CSMD1: variants seen among roughly 807,000 people sequenced by gnomAD.
CSMD1 encodes CUB and Sushi multiple domains 1, also known as CUB and sushi domain-containing protein 1.
CSMD1 carries 213 observed loss-of-function variants against 417.5 expected under a neutral mutation model. The ratio of observed to expected loss-of-function variants is 0.51; its 90% confidence interval spans 0.46 to 0.57. The LOEUF is 0.57. Among genes scored for constraint, CSMD1 ranks in the 20% least tolerant of loss-of-function variants. The pLI is 0.00. For missense variants in CSMD1, 6,923 were observed against 4,529.7 expected (o/e 1.53, Z -15.17); for synonymous variants, 2,862 against 1,736.8 (o/e 1.65, Z -16.11).
chr8:4,313,551 T>C (rs985518206), intron 3 of CSMD1, among the ~76,000 whole-genome samples: 2 of 136,834 alleles, frequency 1.5e-5, no homozygotes, highest in South Asian at 2.4e-4. Flanking sequence ...CAGGAGGAAA[T>C]ACGTGTTATG....
chr8:4,643,750 G>C (rs1803346710), intron 1 of CSMD1, among the ~76,000 whole-genome samples: 1 of 152,150 alleles, frequency 6.6e-6, no homozygotes, highest in Admixed American at 6.5e-5. Flanking sequence ...ATCTTCTACA[G>C]TTTCAGGGGT....
At chr8:4,256,487 G>C (rs1396098226) in intron 3 of CSMD1, among the ~76,000 whole-genome samples, 1 of 152,156 alleles carries the variant, frequency 6.6e-6, no homozygotes, top group African/African-American at 2.4e-5. Flanking sequence ...GGTAAAGGGA[G>C]GTTCTCAGTG....
chr8:3,965,168 T>G (rs1375037636), intron 5 of CSMD1, among the ~76,000 whole-genome samples: 1 of 152,144 alleles, frequency 6.6e-6, no homozygotes, highest in African/African-American at 2.4e-5. Flanking sequence ...TTTTTAACAG[T>G]AAGAGTTCAT....
chr8:3,057,471 T>C (rs908157266), intron 49 of CSMD1, among the ~76,000 whole-genome samples: 2 of 152,192 alleles, frequency 1.3e-5, no homozygotes, highest in African/African-American at 4.8e-5. Flanking sequence ...TTTGTGTATA[T>C]ATATATGTAT....
intron 5 of CSMD1, among the ~76,000 whole-genome samples, chr8:3,853,819 T>A (rs1452156217): frequency 2.0e-5 from 3 of 150,626 alleles, no homozygotes; most frequent in Non-Finnish European, 4.4e-5. Flanking sequence ...TGTATACATA[T>A]GTAACAAACC....
rs575053602 is a variant in CSMD1 at position 4,802,314 on chromosome 8, T to A, written c.86-164756A>T. Reference sequence around the variant, plus strand: ...CAGGCTCATCTTGACCTATGACTGGTCCTCCAACTAGGAACAAGCAAAATG... The same window carrying A: ...CAGGCTCATCTTGACCTATGACTGGACCTCCAACTAGGAACAAGCAAAATG... On this transcript the variant is annotated intron_variant, in intron 1 of 69. Transcript: ENST00000635120. Among the ~76,000 whole-genome samples the A allele has an allele frequency of 1.8e-3, 272 of 152,030 alleles. 1 individual carries two copies. The highest frequency in any genetic ancestry group is 6.4e-3 in the African/African-American group (267 of 41,438).
rs34512629 is a variant in CSMD1 at position 4,816,193 on chromosome 8, C to CTTT, written c.85+178136_85+178138dup. Reference sequence around the variant, plus strand: ...GTCACTAAATCACACTTGTTATTTGCTTTTTTTTTGGGACAGAGTCTCGCT... The same window carrying CTTT: ...GTCACTAAATCACACTTGTTATTTGCTTTTTTTTTTTTGGGACAGAGTCTCGCT... On this transcript the variant is annotated intron_variant, in intron 1 of 69. Transcript: ENST00000635120. Among the ~76,000 whole-genome samples the CTTT allele has an allele frequency of 4.1e-3, 609 of 150,364 alleles. 6 individuals carry two copies. The highest frequency in any genetic ancestry group is 0.013 in the African/African-American group (542 of 40,984).
intron 3 of CSMD1, among the ~76,000 whole-genome samples, chr8:4,172,277 T>G (rs777119654): frequency 2.6e-5 from 4 of 152,166 alleles, no homozygotes. Context: ...CCTCTTTGTT[T>G]CCTCTTGCAA....
chr8:4,718,255 G>C (rs1457195), intron 1 of CSMD1, among the ~76,000 whole-genome samples: 2,277 of 152,268 alleles, frequency 0.015, 45 homozygotes, highest in African/African-American at 0.052. Flanking sequence ...GGGATTACAG[G>C]TGTGAGCCAC....
At chr8:4,455,516 C>G (rs1563194190) in intron 2 of CSMD1, among the ~76,000 whole-genome samples, 1 of 152,156 alleles carries the variant, frequency 6.6e-6, no homozygotes. Flanking sequence ...GTCTCTGCAG[C>G]TGGACCAGAA....
chr8:4,310,311 G>A (rs1388675602), intron 3 of CSMD1, among the ~76,000 whole-genome samples: 1 of 152,118 alleles, frequency 6.6e-6, no homozygotes, highest in Admixed American at 6.6e-5. Flanking sequence ...GGGTGGGTGT[G>A]GAAGGGAAAA....
intron 4 of CSMD1, among the ~76,000 whole-genome samples, chr8:4,017,142 T>C (rs781561256): frequency 6.6e-6 from 1 of 152,348 alleles, no homozygotes; most frequent in Middle Eastern, 3.4e-3. Context: ...ATTGTACATA[T>C]CTACCCCTGC....
Position 4,202,600 on chromosome 8 carries a change from A to C in CSMD1, c.416-170501T>G, listed in dbSNP as rs1799724569. Among the ~76,000 whole-genome samples, 4 of 152,320 alleles carry C rather than the reference A, an allele frequency of 2.6e-5. No homozygotes were observed. The South Asian group carries it at 8.3e-4, about 32-fold the overall frequency. ...CATTCAAAAAAGGTTACTTTCCTGC[A>C]ATCTCTTTGAGTATCATGGTGGATA... On this transcript the variant is annotated intron_variant, in intron 3 of 69. Coordinates refer to ENST00000635120, the MANE Select transcript of CSMD1 (RefSeq NM_033225.6).
At chr8:4,458,280 G>A (rs568526704) in intron 2 of CSMD1, among the ~76,000 whole-genome samples, 5 of 152,086 alleles carry the variant, frequency 3.3e-5, no homozygotes, top group Admixed American at 6.5e-5. Context: ...GACACTCAAT[G>A]AGAAATATCT....
At chr8:4,063,271 T>A (rs1040904270) in intron 3 of CSMD1, among the ~76,000 whole-genome samples, 2 of 125,074 alleles carry the variant, frequency 1.6e-5, no homozygotes, top group African/African-American at 2.9e-5. Flanking sequence ...AGTTATTACA[T>A]AGAACAAAAA....
At chr8:4,238,589 A>G (rs1004729189) in intron 3 of CSMD1, among the ~76,000 whole-genome samples, 1 of 152,194 alleles carries the variant, frequency 6.6e-6, no homozygotes, top group African/African-American at 2.4e-5. Flanking sequence ...ACTTAACTCT[A>G]AAGGACTTCA....
intron 3 of CSMD1, among the ~76,000 whole-genome samples, chr8:4,380,545 G>A (rs1803034671): frequency 6.6e-6 from 1 of 152,318 alleles, no homozygotes; most frequent in Admixed American, 6.5e-5. Context: ...ACGACTAAAT[G>A]CCACATGAGG....
chr8:4,846,153 A>G (rs1158144277), intron 1 of CSMD1, among the ~76,000 whole-genome samples: 2 of 152,132 alleles, frequency 1.3e-5, no homozygotes, highest in Non-Finnish European at 2.9e-5. Flanking sequence ...CCTGCATACT[A>G]TTGTGTATGA....
chr8:4,402,234 C>T (rs1804692911), intron 3 of CSMD1, among the ~76,000 whole-genome samples: 2 of 152,158 alleles, frequency 1.3e-5, no homozygotes, highest in South Asian at 2.1e-4. Flanking sequence ...TTTGGGGGCT[C>T]ATTCCCTCCA....
Sources: gnomAD v4.1 joint callset for allele counts (sites outside exome capture counted in the v4.1 genomes callset) on GRCh38, gnomAD v4.1.1 for gene constraint, MANE v1.5 for transcripts, NCBI Gene and HGNC (gene_info 2026-07-23, HGNC 2026-07-21) for gene names.